The following ANKFN1 variants were observed in gnomAD, a reference collection of about 807,000 sequenced individuals.
ANKFN1 encodes ankyrin repeat and fibronectin type III domain containing 1.
ANKFN1 carries 74 observed loss-of-function variants against 108.7 expected under a neutral mutation model. That is an observed-to-expected ratio of 0.68 (90% CI 0.56 to 0.83). The LOEUF is 0.83. Ranked by LOEUF, ANKFN1 falls within the 40% of genes least tolerant of loss-of-function variation. The pLI is 0.00. For missense variants in ANKFN1, 1,505 were observed against 1,382.3 expected (o/e 1.09, Z -1.41); for synonymous variants, 547 against 516.2 (o/e 1.06, Z -0.81).
At chr17:56,399,215 G>A (rs1399058354) in intron 8 of ANKFN1, among the ~76,000 whole-genome samples, 1 of 151,952 alleles carries the variant, frequency 6.6e-6, no homozygotes, top group Non-Finnish European at 1.5e-5. Flanking sequence ...TACATTATAA[G>A]GGGACCAGAG....
chr17:56,307,827 C>T (rs1177677297), intron 3 of ANKFN1, among the ~76,000 whole-genome samples: 1 of 152,110 alleles, frequency 6.6e-6, no homozygotes, highest in Non-Finnish European at 1.5e-5. Flanking sequence ...TGGAACCAAC[C>T]CAAATGTCCA....
At chr17:56,196,858 C>T (rs1913562123) in intron 1 of ANKFN1, among the ~76,000 whole-genome samples, 1 of 152,168 alleles carries the variant, frequency 6.6e-6, no homozygotes, top group Admixed American at 6.5e-5. Flanking sequence ...GAAGTTATGG[C>T]CCATCAGAAA....
At chr17:56,106,464 G>A (rs759201347) in intron 4 of ANKFN1, among the ~76,000 whole-genome samples, 1 of 152,182 alleles carries the variant, frequency 6.6e-6, no homozygotes, top group Non-Finnish European at 1.5e-5. Flanking sequence ...AGAACTGACT[G>A]AGCTACAAAA....
chr17:56,405,081 A>T (rs866641737), intron 8 of ANKFN1, among the ~76,000 whole-genome samples: 3 of 152,300 alleles, frequency 2.0e-5, no homozygotes, highest in Non-Finnish European at 4.4e-5. Context: ...GGGTAGTGCA[A>T]TGAACTCCAT....
At chr17:56,125,879 G>A (rs1555597455) in intron 4 of ANKFN1, among the ~76,000 whole-genome samples, 1 of 152,354 alleles carries the variant, frequency 6.6e-6, no homozygotes, top group Non-Finnish European at 1.5e-5. Context: ...GCCGGCAGGG[G>A]CCACCATGGT....
chr17:56,172,165 C>T (rs781483475), intron 1 of ANKFN1, among the ~76,000 whole-genome samples: 17 of 152,050 alleles, frequency 1.1e-4, no homozygotes, highest in East Asian at 3.9e-4. Flanking sequence ...TTAATCTCAA[C>T]GTGATAAATA....
At chr17:56,182,721 G>A (rs1485248338) in intron 1 of ANKFN1, among the ~76,000 whole-genome samples, 1 of 152,224 alleles carries the variant, frequency 6.6e-6, no homozygotes, top group East Asian at 1.9e-4. Flanking sequence ...GATTTTCAAT[G>A]TAGGAAAACT....
intron 4 of ANKFN1, among the ~76,000 whole-genome samples, chr17:56,086,282 G>C (rs1223394795): frequency 1.3e-5 from 2 of 150,912 alleles, no homozygotes; most frequent in Non-Finnish European, 3.0e-5. Flanking sequence ...GCAAGTGCTT[G>C]TAATTCCAGC....
Position 56,248,994 on chromosome 17 carries a change from A to T in ANKFN1, c.53+21037A>T, listed in dbSNP as rs144451328. Among the ~76,000 whole-genome samples, 286 of 152,298 alleles carry T rather than the reference A, an allele frequency of 1.9e-3. 3 individuals are homozygous for T. Among genetic ancestry groups the T allele is most frequent in the African/African-American group, 6.6e-3 (274 of 41,562 alleles). On this transcript the variant is annotated intron_variant, in intron 3 of 20. Coordinates refer to ENST00000682825, the MANE Select transcript of ANKFN1 (RefSeq NM_001370326.1). ...TTGCACAGGGGAGGTGGTGAGGAGA[A>T]CACTGTCATGTGGAAACAGCTTAGA...
In ANKFN1 at chr17:56,211,342, C is replaced by A. The variant is rs192629418; in HGVS notation, c.-70-1256C>A. On this transcript the variant is annotated intron_variant, in intron 1 of 20. Transcript: ENST00000682825. ...ATGTGGCTTGCCAATTATCCCAGCA[C>A]CATTTGTTGAATAGGGTATCCTTTC... is the stretch of plus-strand genomic sequence containing the variant. Among the ~76,000 whole-genome samples, 526 of 152,164 alleles carry A rather than the reference C, an allele frequency of 3.5e-3. 1 individual carries two copies. Among genetic ancestry groups the A allele is most frequent in the Admixed American group, 7.9e-3 (121 of 15,284 alleles).
chr17:56,488,346 G>A (rs750822736), intron 18 of ANKFN1, among the ~76,000 whole-genome samples: 2 of 152,144 alleles, frequency 1.3e-5, no homozygotes, highest in African/African-American at 2.4e-5. Flanking sequence ...GTGATTGATT[G>A]GATGTGGTTG....
intron 4 of ANKFN1, among the ~76,000 whole-genome samples, chr17:56,069,538 C>G (rs1159612809): frequency 6.6e-6 from 1 of 152,144 alleles, no homozygotes; most frequent in African/African-American, 2.4e-5. Flanking sequence ...TTGGTTTGCT[C>G]CCTCTACTAG....
At chr17:56,335,131 A>G (rs931147929) in intron 4 of ANKFN1, among the ~76,000 whole-genome samples, 1 of 152,098 alleles carries the variant, frequency 6.6e-6, no homozygotes, top group Non-Finnish European at 1.5e-5. Flanking sequence ...GCCTTGTAGT[A>G]TAGTTTGAAG....
chr17:56,053,255 A>T (rs1215910275), intron 4 of ANKFN1, among the ~76,000 whole-genome samples: 6 of 152,100 alleles, frequency 3.9e-5, no homozygotes. Context: ...CATCAGGATA[A>T]ATGGGGCATC....
chr17:56,442,951 A>T lies in ANKFN1; in HGVS notation c.1099+18A>T, dbSNP rs191195024. The T allele has an allele frequency of 6.2e-7, 1 of 1,611,762 alleles. No individual in the cohort carries two copies. The highest frequency in any genetic ancestry group is 8.5e-7 in the Non-Finnish European group (1 of 1,178,448). ...TCCTTCTAGTAGGTGGTGGCTGTGAACTCTCTCCAGCATGGTAACAGACTC... is the reference window on the plus strand; with the variant it reads ...TCCTTCTAGTAGGTGGTGGCTGTGATCTCTCTCCAGCATGGTAACAGACTC... On this transcript the variant is annotated intron_variant, in intron 10 of 20. Coordinates refer to ENST00000682825, the MANE Select transcript of ANKFN1 (RefSeq NM_001370326.1).
At chr17:56,075,611 A>G (rs1271031662) in intron 4 of ANKFN1, among the ~76,000 whole-genome samples, 1 of 152,156 alleles carries the variant, frequency 6.6e-6, no homozygotes, top group African/African-American at 2.4e-5. Context: ...TGTTCATTAC[A>G]TAATTGGGAT....
chr17:56,283,597 A>G (rs1402705565), intron 3 of ANKFN1, among the ~76,000 whole-genome samples: 2 of 151,686 alleles, frequency 1.3e-5, no homozygotes, highest in Non-Finnish European at 2.9e-5. Flanking sequence ...AGCAACCTGG[A>G]TAGAACTGGA....
At chr17:56,397,905 CA>C (rs2047634283) in intron 8 of ANKFN1, among the ~76,000 whole-genome samples, 1 of 152,114 alleles carries the variant, frequency 6.6e-6, no homozygotes, top group Non-Finnish European at 1.5e-5. Context: ...AAGATTAAAT[CA>C]GCGGTTTTCA....
chr17:56,112,451 A>G (rs1046858748), intron 4 of ANKFN1, among the ~76,000 whole-genome samples: 1 of 151,694 alleles, frequency 6.6e-6, no homozygotes, highest in African/African-American at 2.4e-5. Flanking sequence ...GTAATACTTG[A>G]TTGTAAAATA....
Sources: gnomAD v4.1 joint callset for allele counts (sites outside exome capture counted in the v4.1 genomes callset) on GRCh38, gnomAD v4.1.1 for gene constraint, MANE v1.5 for transcripts, NCBI Gene and HGNC (gene_info 2026-07-23, HGNC 2026-07-21) for gene names.